YWHAH: variants seen among roughly 807,000 people sequenced by gnomAD.
YWHAH encodes the protein tyrosine 3-monooxygenase/tryptophan 5-monooxygenase activation protein eta, also known as 14-3-3 protein eta.
YWHAH carries 6 observed loss-of-function variants against 22.9 expected under a neutral mutation model. That is an observed-to-expected ratio of 0.26 (90% CI 0.14 to 0.52). The LOEUF (loss-of-function observed/expected upper bound fraction) is 0.52, where lower values mean the gene tolerates loss of function less well. Ranked by LOEUF, YWHAH falls within the 20% of genes least tolerant of loss-of-function variation. The pLI is 0.97. For synonymous variants in YWHAH, 135 were observed against 124.5 expected (o/e 1.08, Z -0.56); for missense variants, 173 against 308.6 (o/e 0.56, Z 3.29).
rs2093850258 is a variant in YWHAH at position 31,956,888 on chromosome 22, A to G, written c.*96A>G. On this transcript the variant is annotated 3_prime_UTR_variant, in exon 2 of 2. Coordinates refer to ENST00000248975, the MANE Select transcript of YWHAH (RefSeq NM_003405.4). This position sits in a 1 kb window ranked among gnomAD's most constrained non-coding sequence, Gnocchi z 5.1. ...TCACTAAATATCTAGTGCTAAACCT[A>G]TCTGTATTGGCAGCACAGCTACTCA... 9 of 1,401,650 alleles carry G rather than the reference A, an allele frequency of 6.4e-6. No individual in the cohort carries two copies. Among genetic ancestry groups the G allele is most frequent in the Non-Finnish European group, 8.5e-6 (9 of 1,056,924 alleles). 86.8% of individuals were successfully genotyped at this position (1,401,650 alleles called of 1,614,324 possible).
intron 1 of YWHAH, among the ~76,000 whole-genome samples, chr22:31,948,525 C>G (rs2093838248): frequency 2.6e-5 from 4 of 152,026 alleles, no homozygotes; most frequent in African/African-American, 9.7e-5. Context: ...ACTACAGATG[C>G]ATGCCACCGT....
At position 31,957,461 on chromosome 22, in the gene YWHAH, CTT is replaced by C. The variant is rs1337963214; in HGVS notation, c.*671_*672del. On this transcript the variant is annotated 3_prime_UTR_variant, in exon 2 of 2. Coordinates refer to ENST00000248975, the MANE Select transcript of YWHAH (RefSeq NM_003405.4). ...AATCATGGATTTATTTTTTGTAACT[CTT>C]TGGCTATTGTCCTTGTGTATCCTGA... 1 of 149,084 alleles carries C rather than the reference CTT, an allele frequency of 6.7e-6. No individual in the cohort carries two copies. The highest frequency in any genetic ancestry group is 2.5e-5 in the African/African-American group (1 of 40,396). 9.2% of individuals were successfully genotyped at this position (149,084 alleles called of 1,614,324 possible).
In YWHAH at chr22:31,956,167, A is replaced by G. The variant is rs148198776; in HGVS notation, c.116A>G (p.Asn39Ser). ...AVTELNEPLS[N>S]EDRNLLSVAY... ...ACAGAGCTGAATGAACCTCTCTCCAATGAAGATCGAAATCTCCTCTCTGTG... is the reference window on the plus strand; with the variant it reads ...ACAGAGCTGAATGAACCTCTCTCCAGTGAAGATCGAAATCTCCTCTCTGTG... The change falls in exon 2 of 2, where the codon AAT becomes AGT. Residue 39 changes from asparagine to serine, a missense_variant. Asn to Ser is a conservative substitution (Grantham distance 46). Coordinates refer to ENST00000248975, the MANE Select transcript of YWHAH (RefSeq NM_003405.4). This position sits in a 1 kb window ranked among gnomAD's most constrained non-coding sequence, Gnocchi z 5.1. 1.6e-4 allele frequency: 260 copies of G among 1,613,280 alleles called. No individual in the cohort carries two copies. Among genetic ancestry groups the G allele is most frequent in the Non-Finnish European group, 1.9e-4 (228 of 1,179,754 alleles).
At chr22:31,949,646 C>T (rs1054052062) in intron 1 of YWHAH, among the ~76,000 whole-genome samples, 6 of 152,042 alleles carry the variant, frequency 3.9e-5, no homozygotes, top group Admixed American at 6.6e-5. Context: ...TACAGGTGCC[C>T]GCCACCTTCC....
chr22:31,947,390 GTT>G (rs1184058466), intron 1 of YWHAH: 1 of 468,290 alleles, frequency 2.1e-6, no homozygotes, highest in African/African-American at 2.0e-5. Flanking sequence ...CTTGTTTTCT[GTT>G]TCCTTCATAA....
At chr22:31,948,941 G>C (rs2093838914) in intron 1 of YWHAH, among the ~76,000 whole-genome samples, 2 of 152,110 alleles carry the variant, frequency 1.3e-5, no homozygotes, top group African/African-American at 4.8e-5. Context: ...CCACAGTCCG[G>C]AACTGACTCC....
intron 1 of YWHAH, among the ~76,000 whole-genome samples, chr22:31,951,326 T>C (rs765237504): frequency 1.3e-5 from 2 of 152,234 alleles, no homozygotes; most frequent in Admixed American, 6.5e-5. Context: ...TTTACTCATA[T>C]CAAAAGCAAG....
chr22:31,945,114 G>T (rs1184475067), intron 1 of YWHAH: 5 of 1,072,182 alleles, frequency 4.7e-6, no homozygotes. Flanking sequence ...GAACCCGGCC[G>T]GGGGCAGAGG....
At chr22:31,951,985 G>A (rs971679465) in intron 1 of YWHAH, among the ~76,000 whole-genome samples, 2 of 152,166 alleles carry the variant, frequency 1.3e-5, no homozygotes, top group Non-Finnish European at 2.9e-5. Context: ...CAGGGGTGGC[G>A]AAACCCCTGG....
rs751919287 is a variant in YWHAH, at chr22:31,956,375, G to A, written c.324G>A (p.Leu108=). The A allele has an allele frequency of 6.2e-7, 1 of 1,614,094 alleles. No individual in the cohort carries two copies. Among genetic ancestry groups the A allele is most frequent in the Non-Finnish European group, 8.5e-7 (1 of 1,180,040 alleles). The change falls in exon 2 of 2, where the codon CTG becomes CTA. Residue 108 remains leucine, a synonymous_variant. Transcript: ENST00000248975. This position sits in a 1 kb window ranked among gnomAD's most constrained non-coding sequence, Gnocchi z 5.1. ...NDVLSLLDKF[L]IKNCNDFQYE... ...TCCTGTCTCTGCTTGACAAGTTCCT[G>A]ATCAAGAACTGCAATGATTTCCAGT...
intron 1 of YWHAH, among the ~76,000 whole-genome samples, chr22:31,947,101 G>A (rs1431467761): frequency 1.3e-5 from 2 of 152,212 alleles, no homozygotes; most frequent in African/African-American, 4.8e-5. Context: ...GGATGACTCA[G>A]TCTCTATGTT....
chr22:31,957,044 T>C lies in YWHAH; in HGVS notation c.*252T>C, dbSNP rs2093850449. ...AGAAGTGTGTTCTGATGAGGCATTT[T>C]ACTATGCCTGTTGATCTATGGGAAA... is the stretch of plus-strand genomic sequence containing the variant. On this transcript the variant is annotated 3_prime_UTR_variant, in exon 2 of 2. Coordinates refer to ENST00000248975, the MANE Select transcript of YWHAH (RefSeq NM_003405.4). 2.4e-6 allele frequency: 1 copy of C among 418,898 alleles called. No individual in the cohort carries two copies. Among genetic ancestry groups the C allele is most frequent in the Non-Finnish European group, 4.2e-6 (1 of 236,356 alleles). 25.9% of individuals were successfully genotyped at this position (418,898 alleles called of 1,614,324 possible).
At chr22:31,949,947 G>T (rs1324499553) in intron 1 of YWHAH, among the ~76,000 whole-genome samples, 2 of 145,852 alleles carry the variant, frequency 1.4e-5, no homozygotes, top group African/African-American at 4.9e-5. Context: ...TATCTGTTGG[G>T]TGCAAGTCAT....
At chr22:31,946,853 C>G (rs1207442404) in intron 1 of YWHAH, among the ~76,000 whole-genome samples, 1 of 152,122 alleles carries the variant, frequency 6.6e-6, no homozygotes, top group Admixed American at 6.5e-5. Context: ...TCTATAATAT[C>G]TATATTTGAA....
At chr22:31,945,057 G>T (rs1444333906) in intron 1 of YWHAH, 1 of 1,109,842 alleles carries the variant, frequency 9.0e-7, no homozygotes, top group African/African-American at 1.7e-5. Context: ...CGCGAAGGCA[G>T]CCCCGGAAGG....
intron 1 of YWHAH, among the ~76,000 whole-genome samples, chr22:31,954,038 C>T (rs1441729220): frequency 6.6e-6 from 1 of 152,122 alleles, no homozygotes; most frequent in East Asian, 1.9e-4. Flanking sequence ...CTGCTTATGT[C>T]CTTGAACCAC....
chr22:31,945,986 C>T (rs969248407), intron 1 of YWHAH, among the ~76,000 whole-genome samples: 2 of 152,168 alleles, frequency 1.3e-5, no homozygotes, highest in African/African-American at 4.8e-5. Context: ...TCCCTAAAAT[C>T]TTAAGTCATT....
intron 1 of YWHAH, chr22:31,945,072 C>T (rs2093831746): frequency 6.4e-6 from 7 of 1,096,410 alleles, no homozygotes; most frequent in Non-Finnish European, 7.8e-6. Context: ...GGAAGGGGGG[C>T]GGGCCGGTCG....
rs772746748 is a variant in YWHAH at position 31,944,839 on chromosome 22, C to T, written c.87+19C>T. ...GAAGGCGGTGAGCGCGCCGGGAGCC[C>T]GGGCGGCTGGCCGGGGGGGGCCTGG... On this transcript the variant is annotated intron_variant, in intron 1 of 1. Coordinates refer to ENST00000248975, the MANE Select transcript of YWHAH (RefSeq NM_003405.4). 3.0e-6 allele frequency: 4 copies of T among 1,353,432 alleles called. No individual in the cohort carries two copies. Among genetic ancestry groups the T allele is most frequent in the South Asian group, 3.1e-5 (2 of 64,930 alleles). 83.8% of individuals were successfully genotyped at this position (1,353,432 alleles called of 1,614,324 possible). A position where few individuals can be genotyped will look rare whatever the true frequency, so the allele number is the denominator to read the frequency against.
Sources: allele counts gnomAD v4.1 joint callset (sites outside exome capture counted in the v4.1 genomes callset), GRCh38; gene constraint gnomAD v4.1.1; non-coding constraint Gnocchi (gnomAD v3.1); transcripts MANE v1.5; gene names NCBI Gene and HGNC (gene_info 2026-07-23, HGNC 2026-07-21).